RASSF8: variants seen among roughly 807,000 people sequenced by gnomAD.
RASSF8 encodes the protein Ras association domain family member 8.
A neutral mutation model predicts 48.5 loss-of-function variants in RASSF8; 22 were observed. The ratio of observed to expected loss-of-function variants is 0.45; its 90% CI spans 0.32 to 0.65. The LOEUF (loss-of-function observed/expected upper bound fraction) is 0.65. RASSF8 is among the 30% of genes least tolerant of loss of function. RASSF8 has a pLI of 0.03. For synonymous variants in RASSF8, 127 were observed against 171.5 expected, an observed-to-expected ratio of 0.74 and a Z score of 2.03; for missense variants, 418 against 489.2, an observed-to-expected ratio of 0.85 and a Z score of 1.37.
intron 3 of RASSF8, among the ~76,000 whole-genome samples, chr12:26,063,536 A>G (rs1333402524): frequency 1.3e-5 from 2 of 152,102 alleles, no homozygotes; most frequent in South Asian, 4.1e-4. Context: ...AGCTAGGACT[A>G]CGGTGCACAG....
At chr12:26,034,899 C>G (rs77574904) in intron 2 of RASSF8, among the ~76,000 whole-genome samples, 3,059 of 151,274 alleles carry the variant, frequency 0.02, 99 homozygotes, top group African/African-American at 0.069. Context: ...GATGCATTCT[C>G]ATTGGTTTGT....
At chr12:26,073,766 CACACACACACAT>C (rs1020621839), downstream of RASSF8, among the ~76,000 whole-genome samples, 4 of 136,888 alleles carry the variant, frequency 2.9e-5, no homozygotes, top group Non-Finnish European at 6.2e-5. Flanking sequence ...CACACACACA[CACACACACACAT>C]ATATATATAC....
At chr12:25,967,189 A>G (rs1015908815) in intron 1 of RASSF8, among the ~76,000 whole-genome samples, 1 of 152,322 alleles carries the variant, frequency 6.6e-6, no homozygotes, top group African/African-American at 2.4e-5. Flanking sequence ...AGTACTTGAT[A>G]ATGTGTTTTT....
At chr12:25,968,028 G>A (rs1241758247) in intron 1 of RASSF8, among the ~76,000 whole-genome samples, 1 of 152,152 alleles carries the variant, frequency 6.6e-6, no homozygotes, top group Non-Finnish European at 1.5e-5. Context: ...CTTTGGGCCT[G>A]GAAACAATAT....
intron 2 of RASSF8, among the ~76,000 whole-genome samples, chr12:26,020,968 T>C (rs1942774373): frequency 6.6e-6 from 1 of 152,200 alleles, no homozygotes; most frequent in South Asian, 2.1e-4. Context: ...TGTCTAGCAC[T>C]TTGTAAAGTT....
chr12:25,990,602 A>G (rs955124734), intron 1 of RASSF8, among the ~76,000 whole-genome samples: 9 of 152,200 alleles, frequency 5.9e-5, no homozygotes, highest in Non-Finnish European at 8.8e-5. Context: ...CATATGGACT[A>G]TGTAAAACCT....
At chr12:25,971,647 T>C (rs1020215058) in intron 1 of RASSF8, among the ~76,000 whole-genome samples, 3 of 152,268 alleles carry the variant, frequency 2.0e-5, no homozygotes, top group Admixed American at 6.5e-5. Flanking sequence ...TTCTTTTTGT[T>C]TCTGTTATGA....
intron 2 of RASSF8, among the ~76,000 whole-genome samples, chr12:26,039,308 G>T (rs148923176): frequency 2.0e-5 from 3 of 151,940 alleles, no homozygotes; most frequent in South Asian, 2.1e-4. Flanking sequence ...TTGTGAGACT[G>T]GGGGGGATAA....
At chr12:26,073,033 G>A (rs1018995056), downstream of RASSF8, among the ~76,000 whole-genome samples, 5 of 152,154 alleles carry the variant, frequency 3.3e-5, no homozygotes, top group African/African-American at 1.2e-4. Context: ...CTTCATCAAA[G>A]TAAAACTGAA....
In RASSF8 at chr12:26,071,603, C is replaced by A. The variant is rs1417964810; in HGVS notation, c.*2785C>A. 7.1e-6 allele frequency: 7 copies of A among 984,956 alleles called. No individual in the cohort carries two copies. The highest frequency in any genetic ancestry group is 8.4e-6 in the Non-Finnish European group (7 of 829,716). 61.0% of individuals were successfully genotyped at this position (984,956 alleles called of 1,614,324 possible). On this transcript the variant is annotated 3_prime_UTR_variant, in exon 6 of 6. Coordinates refer to ENST00000689635, the MANE Select transcript of RASSF8 (RefSeq NM_001394098.1). ...ATAGTGTCCATAGTCCCTTTCTTGT[C>A]CTTCTGAGATATTTTGGTTTGATAA... is the stretch of plus-strand genomic sequence containing the variant.
At chr12:26,042,419 A>G (rs1943284597) in intron 2 of RASSF8, among the ~76,000 whole-genome samples, 1 of 152,194 alleles carries the variant, frequency 6.6e-6, no homozygotes, top group South Asian at 2.1e-4. Context: ...TGTTTACTTT[A>G]TGAATTCCTT....
intron 2 of RASSF8, among the ~76,000 whole-genome samples, chr12:26,019,144 A>G (rs1942724746): frequency 6.6e-6 from 1 of 152,222 alleles, no homozygotes; most frequent in African/African-American, 2.4e-5. Flanking sequence ...TGTCTCTATT[A>G]TGAGCAGTAC....
At chr12:26,029,783 A>G (rs1358940189) in intron 2 of RASSF8, among the ~76,000 whole-genome samples, 1 of 151,640 alleles carries the variant, frequency 6.6e-6, no homozygotes, top group Non-Finnish European at 1.5e-5. Context: ...TGGTTAAAGG[A>G]AAAAAAAATC....
Position 26,072,164 on chromosome 12 carries a change from T to A in RASSF8, c.*3346T>A. ...TATAACGATGCTGTGTTCACATCCC[T>A]CTCCTACCTAAAGTTGTCTTTATTG... is the stretch of plus-strand genomic sequence containing the variant. On this transcript the variant is annotated 3_prime_UTR_variant, in exon 6 of 6. Coordinates refer to ENST00000689635, the MANE Select transcript of RASSF8 (RefSeq NM_001394098.1). The A allele has an allele frequency of 1.0e-6, 1 of 980,180 alleles. No individual in the cohort carries two copies. Among genetic ancestry groups the A allele is most frequent in the African/African-American group, 1.7e-5 (1 of 57,252 alleles). 60.7% of individuals were successfully genotyped at this position (980,180 alleles called of 1,614,324 possible).
chr12:26,019,415 A>G (rs1380300606), intron 2 of RASSF8, among the ~76,000 whole-genome samples: 4 of 152,324 alleles, frequency 2.6e-5, no homozygotes, highest in East Asian at 3.9e-4. Context: ...ATGAAATTAT[A>G]TATTAAATAA....
At chr12:25,999,128 G>C (rs1181989249) in intron 2 of RASSF8, among the ~76,000 whole-genome samples, 1 of 152,120 alleles carries the variant, frequency 6.6e-6, no homozygotes, top group Non-Finnish European at 1.5e-5. Context: ...GTCTTCTGAT[G>C]GAGGGAGAGA....
intron 4 of RASSF8, 114 bp from the exon 5 acceptor site, chr12:26,067,455 T>C (rs758167050): frequency 4.7e-5 from 53 of 1,134,150 alleles, no homozygotes; most frequent in Non-Finnish European, 6.1e-5. Context: ...AATGTGCTTT[T>C]ATGAAAGCAG....
At chr12:26,022,646 T>TA (rs1347689757) in intron 2 of RASSF8, among the ~76,000 whole-genome samples, 5 of 151,694 alleles carry the variant, frequency 3.3e-5, no homozygotes, top group Non-Finnish European at 7.4e-5. Flanking sequence ...ATAGAAATTA[T>TA]AAAAAAATTA....
At chr12:26,030,488 TC>T (rs1943006739) in intron 2 of RASSF8, among the ~76,000 whole-genome samples, 1 of 152,200 alleles carries the variant, frequency 6.6e-6, no homozygotes, top group Admixed American at 6.5e-5. Flanking sequence ...TTCCTTTTAT[TC>T]CGGTATTGGG....
Sources: gnomAD v4.1 joint callset for allele counts (sites outside exome capture counted in the v4.1 genomes callset) on GRCh38, gnomAD v4.1.1 for gene constraint, MANE v1.5 for transcripts, NCBI Gene and HGNC (gene_info 2026-07-23, HGNC 2026-07-21) for gene names.